The following TEX14 variants were observed in gnomAD, a reference collection of about 807,000 sequenced individuals.
TEX14 encodes inactive serine/threonine-protein kinase TEX14.
In TEX14, 168 loss-of-function variants were observed where a neutral mutation model predicts 178.6. That is an observed-to-expected ratio of 0.94 (90% CI 0.83 to 1.07). TEX14 has a LOEUF of 1.07. TEX14 is among the 50% of genes least tolerant of loss of function. The probability of loss-of-function intolerance (pLI) is 0.00; values close to 1 mark genes in which losing one functional copy is unlikely to be tolerated. For synonymous variants in TEX14, 626 were observed against 634.1 expected (o/e 0.99, Z 0.19); for missense variants, 1,730 against 1,753.6 (o/e 0.99, Z 0.24).
intron 1 of TEX14, among the ~76,000 whole-genome samples, chr17:58,676,861 TG>T (rs1020399912): frequency 7.9e-5 from 12 of 151,874 alleles, no homozygotes; most frequent in African/African-American, 2.9e-4. Flanking sequence ...CCAGGTGGGG[TG>T]GCTCACGCCT....
rs1417296383 is a variant in TEX14, at chr17:58,611,347, C to G, written c.1006-8G>C. On this transcript the variant is annotated splice_region_variant and splice_polypyrimidine_tract_variant and intron_variant, in intron 9 of 31. Transcript: ENST00000349033. ...CACTGGGAACTGGGACCGCTGCAAGCAAGAGATGAAATGCCACGAAAAAAA... is the reference window on the plus strand; with the variant it reads ...CACTGGGAACTGGGACCGCTGCAAGGAAGAGATGAAATGCCACGAAAAAAA... 16 of 1,592,180 alleles carry G rather than the reference C, an allele frequency of 1.0e-5. No individual in the cohort carries two copies. Among genetic ancestry groups the G allele is most frequent in the Non-Finnish European group, 1.4e-5 (16 of 1,165,454 alleles).
intron 10 of TEX14, among the ~76,000 whole-genome samples, chr17:58,607,201 G>A (rs529602252): frequency 5.9e-5 from 9 of 152,060 alleles, no homozygotes; most frequent in Non-Finnish European, 4.4e-5. Flanking sequence ...ATCAACTCAT[G>A]TTACCAGCTT....
intron 1 of TEX14, among the ~76,000 whole-genome samples, chr17:58,670,807 A>T (rs2143473369): frequency 6.7e-6 from 1 of 149,320 alleles, no homozygotes; most frequent in African/African-American, 2.5e-5. Flanking sequence ...AAAAGTGACT[A>T]TACTTAATAT....
At chr17:58,689,000 G>A (rs1212809496) in intron 1 of TEX14, among the ~76,000 whole-genome samples, 2 of 151,522 alleles carry the variant, frequency 1.3e-5, no homozygotes, top group Non-Finnish European at 2.9e-5. Context: ...GCATGATCTT[G>A]GCTCACTGCA....
chr17:58,576,427 TGAG>T (rs2044678165), intron 21 of TEX14, among the ~76,000 whole-genome samples: 1 of 151,352 alleles, frequency 6.6e-6, no homozygotes, highest in African/African-American at 2.4e-5. Context: ...GAGGTTGCAG[TGAG>T]CTGAGATCAC....
intron 5 of TEX14, among the ~76,000 whole-genome samples, chr17:58,619,191 G>A (rs892464180): frequency 6.6e-6 from 1 of 152,192 alleles, no homozygotes; most frequent in Non-Finnish European, 1.5e-5. Context: ...GGCAGTACAT[G>A]GCTCTTTGGA....
intron 1 of TEX14, among the ~76,000 whole-genome samples, chr17:58,676,120 G>C (rs1219085733): frequency 2.6e-5 from 4 of 152,044 alleles, no homozygotes; most frequent in African/African-American, 7.2e-5. Flanking sequence ...TCACGCCTGT[G>C]ATCCCAGCAC....
rs1265954648 is a variant in TEX14, at chr17:58,578,240, T to C, written c.3239-784A>G. Among the ~76,000 whole-genome samples the C allele has an allele frequency of 2.0e-5, 3 of 152,134 alleles. No homozygotes were observed. In the East Asian group the frequency reaches 5.8e-4, roughly 29 times the overall value. On this transcript the variant is annotated intron_variant, in intron 20 of 31. Transcript: ENST00000349033. ...CTGAAACCCCACCAGTGGAGAGACATTGGGGGTTCCTCTTCCTCTGACCCT... is the reference window on the plus strand; with the variant it reads ...CTGAAACCCCACCAGTGGAGAGACACTGGGGGTTCCTCTTCCTCTGACCCT...
intron 1 of TEX14, among the ~76,000 whole-genome samples, chr17:58,653,641 C>G (rs1451745826): frequency 1.3e-5 from 2 of 152,186 alleles, no homozygotes; most frequent in African/African-American, 4.8e-5. Flanking sequence ...CTCTTTCCAT[C>G]TCCTTATTCT....
chr17:58,599,927 T>C (rs896658351), intron 13 of TEX14, among the ~76,000 whole-genome samples: 30 of 152,044 alleles, frequency 2.0e-4, no homozygotes, highest in African/African-American at 5.8e-4. Context: ...ATGGAGGAAA[T>C]ATTCTAAGCT....
intron 9 of TEX14, among the ~76,000 whole-genome samples, chr17:58,612,807 C>T (rs1385403670): frequency 6.6e-6 from 1 of 150,986 alleles, no homozygotes; most frequent in African/African-American, 2.4e-5. Flanking sequence ...ACATTGGAGG[C>T]TGATGCAGGA....
intron 24 of TEX14, 144 bp downstream of exon 24, chr17:58,571,777 C>A: frequency 1.5e-6 from 1 of 667,122 alleles, no homozygotes; most frequent in Non-Finnish European, 2.6e-6. Flanking sequence ...AATATAGACT[C>A]AAGAGAGGAG....
At chr17:58,585,261 T>C (rs779692841) in intron 18 of TEX14, among the ~76,000 whole-genome samples, 1 of 152,166 alleles carries the variant, frequency 6.6e-6, no homozygotes, top group Non-Finnish European at 1.5e-5. Flanking sequence ...AGGGACCTGT[T>C]TCAGTAATAT....
At chr17:58,689,105 T>C (rs1056529702) in intron 1 of TEX14, among the ~76,000 whole-genome samples, 4 of 151,836 alleles carry the variant, frequency 2.6e-5, no homozygotes, top group Non-Finnish European at 5.9e-5. Flanking sequence ...TAATTTTTTG[T>C]ATTTTTAGTA....
chr17:58,661,166 G>A (rs2143367081), intron 1 of TEX14: 1 of 814,400 alleles, frequency 1.2e-6, no homozygotes, highest in Non-Finnish European at 2.2e-6. Flanking sequence ...AGGATAAGCC[G>A]TGGAGGTAAT....
intron 1 of TEX14, among the ~76,000 whole-genome samples, chr17:58,668,633 T>C (rs2047252078): frequency 6.6e-6 from 1 of 152,216 alleles, no homozygotes; most frequent in Non-Finnish European, 1.5e-5. Flanking sequence ...GGCTGAAATG[T>C]GCCCAAGTGG....
At chr17:58,576,081 C>T (rs994643745) in intron 21 of TEX14, among the ~76,000 whole-genome samples, 2 of 152,060 alleles carry the variant, frequency 1.3e-5, no homozygotes, top group Non-Finnish European at 2.9e-5. Context: ...AACTGAGGCC[C>T]AGAGAGAATA....
At chr17:58,558,530 A>G (rs1449784582) in intron 30 of TEX14, among the ~76,000 whole-genome samples, 1 of 152,132 alleles carries the variant, frequency 6.6e-6, no homozygotes, top group African/African-American at 2.4e-5. Flanking sequence ...GAAGCCCAGG[A>G]GATGCAGTCC....
chr17:58,690,927 C>T (rs1000168479), intron 1 of TEX14, among the ~76,000 whole-genome samples: 1 of 152,120 alleles, frequency 6.6e-6, no homozygotes, highest in Non-Finnish European at 1.5e-5. Flanking sequence ...AGTGCAGTGG[C>T]GTGATCATAG....
Sources: allele counts gnomAD v4.1 joint callset (sites outside exome capture counted in the v4.1 genomes callset), GRCh38; gene constraint gnomAD v4.1.1; transcripts MANE v1.5; gene names NCBI Gene and HGNC (gene_info 2026-07-23, HGNC 2026-07-21).